The following CLYBL variants were observed in gnomAD, a reference collection of about 807,000 sequenced individuals.
CLYBL encodes citramalyl-CoA lyase.
Under a neutral mutation model 38.9 loss-of-function variants are expected in CLYBL, and 31 were observed. That is an observed-to-expected ratio of 0.80 (90% CI 0.60 to 1.08). The LOEUF is 1.08. CLYBL is among the 50% of genes least tolerant of loss of function. CLYBL has a pLI of 0.00. For missense variants in CLYBL, 434 were observed against 411.6 expected (o/e 1.05, Z -0.47); for synonymous variants, 171 against 158.6 (o/e 1.08, Z -0.59).
chr13:99,822,354 G>T (rs1019442304), intron 2 of CLYBL, among the ~76,000 whole-genome samples: 1 of 152,226 alleles, frequency 6.6e-6, no homozygotes, highest in Non-Finnish European at 1.5e-5. Flanking sequence ...TGGCTGGGAG[G>T]CTTAAAACTG....
intron 2 of CLYBL, among the ~76,000 whole-genome samples, chr13:99,836,108 G>T (rs182260441): frequency 4.1e-4 from 63 of 152,312 alleles, no homozygotes; most frequent in African/African-American, 1.5e-3. Context: ...TGGGGAACAT[G>T]CAGTCATGAG....
rs529585464 is a variant in CLYBL at position 99,909,387 on chromosome 13, A to T, written c.*1493A>T. On this transcript the variant is annotated 3_prime_UTR_variant and NMD_transcript_variant, in exon 10 of 10. Coordinates refer to the CLYBL transcript ENST00000689673. ...TGTAAAACAGGATAGTGCCCAGCAC[A>T]TACTAGTAACAAATGTAAAATACAT... Among the ~76,000 whole-genome samples, 25 of 152,376 alleles carry T rather than the reference A, an allele frequency of 1.6e-4. No individual in the cohort carries two copies. In the South Asian group the frequency reaches 5.0e-3, roughly 30 times the overall value.
At chr13:99,868,673 C>T (rs897303464) in intron 6 of CLYBL, among the ~76,000 whole-genome samples, 1 of 152,008 alleles carries the variant, frequency 6.6e-6, no homozygotes, top group Non-Finnish European at 1.5e-5. Flanking sequence ...CAGTCCATGT[C>T]GATTGATTTT....
At chr13:99,623,027 G>A (rs77186458) in intron 1 of CLYBL, among the ~76,000 whole-genome samples, 2,047 of 152,234 alleles carry the variant, frequency 0.013, 48 homozygotes, top group African/African-American at 0.046. Context: ...TCAGTTGATG[G>A]ACATTTGGGC....
At chr13:99,808,312 C>T (rs1366118059) in intron 2 of CLYBL, among the ~76,000 whole-genome samples, 2 of 152,130 alleles carry the variant, frequency 1.3e-5, no homozygotes, top group East Asian at 3.9e-4. Context: ...TCTCAAACTC[C>T]TGGGCTCAGG....
At chr13:99,875,310 T>C (rs1171377864) in intron 7 of CLYBL, among the ~76,000 whole-genome samples, 2 of 152,184 alleles carry the variant, frequency 1.3e-5, no homozygotes, top group African/African-American at 2.4e-5. Flanking sequence ...TGCTGGAATA[T>C]AAACTGGAAA....
At chr13:99,839,703 A>G (rs988619512) in intron 2 of CLYBL, among the ~76,000 whole-genome samples, 1 of 152,052 alleles carries the variant, frequency 6.6e-6, no homozygotes, top group Non-Finnish European at 1.5e-5. Flanking sequence ...TTGTGGGTAC[A>G]TAGTAGGTAT....
At chr13:99,776,879 G>C (rs572188109) in intron 2 of CLYBL, among the ~76,000 whole-genome samples, 1 of 147,590 alleles carries the variant, frequency 6.8e-6, no homozygotes, top group South Asian at 2.2e-4. Flanking sequence ...GTTCATGCAC[G>C]TTTTTTTTTT....
At position 99,769,802 on chromosome 13, in the gene CLYBL, A is replaced by G. The variant is rs555982776; in HGVS notation, c.63-3022A>G. 3.9e-5 allele frequency among the ~76,000 whole-genome samples: 6 copies of G among 152,292 alleles called. No homozygotes were observed. In the East Asian group the frequency reaches 1.2e-3, roughly 29 times the overall value. On this transcript the variant is annotated intron_variant, in intron 1 of 8. Transcript: ENST00000339105. ...CAGACTCAAGTTTTAGAATTCCTTA[A>G]GGTAAGGTCGGCTACAAGAAGGAAT... is the stretch of plus-strand genomic sequence containing the variant.
chr13:99,835,495 T>C (rs539763966), intron 2 of CLYBL, among the ~76,000 whole-genome samples: 1 of 152,318 alleles, frequency 6.6e-6, no homozygotes, highest in South Asian at 2.1e-4. Flanking sequence ...AAATGTTGCC[T>C]ACACCACTTC....
chr13:99,841,405 T>A (rs922363395), intron 2 of CLYBL, among the ~76,000 whole-genome samples: 48 of 152,242 alleles, frequency 3.2e-4, no homozygotes, highest in South Asian at 1.2e-3. Context: ...TTTTTTTTTT[T>A]ATTTATTTAT....
At chr13:99,660,168 T>G (rs1224549442) in intron 1 of CLYBL, among the ~76,000 whole-genome samples, 1 of 152,186 alleles carries the variant, frequency 6.6e-6, no homozygotes, top group African/African-American at 2.4e-5. Flanking sequence ...AAAAAGGACA[T>G]CTGAGAACAA....
intron 1 of CLYBL, among the ~76,000 whole-genome samples, chr13:99,707,089 G>C (rs1021798459): frequency 1.3e-5 from 2 of 152,066 alleles, no homozygotes; most frequent in Non-Finnish European, 2.9e-5. Flanking sequence ...ACAGAACCTT[G>C]ACTATCTGGA....
intron 1 of CLYBL, among the ~76,000 whole-genome samples, chr13:99,671,994 G>C (rs1434364632): frequency 6.6e-6 from 1 of 152,070 alleles, no homozygotes; most frequent in African/African-American, 2.4e-5. Context: ...TGTCACCTCT[G>C]AGGCAGGCAC....
downstream of CLYBL, among the ~76,000 whole-genome samples, chr13:99,901,487 C>T (rs118188162): frequency 0.03 from 4,510 of 152,058 alleles, 99 homozygotes; most frequent in South Asian, 0.054. Context: ...GTCCATTTTA[C>T]CAGAGAGACC....
intron 1 of CLYBL, among the ~76,000 whole-genome samples, chr13:99,700,694 T>C (rs1269379794): frequency 6.6e-6 from 1 of 152,166 alleles, no homozygotes; most frequent in Non-Finnish European, 1.5e-5. Context: ...TCTTGGCTGT[T>C]TGCGTTTTGT....
chr13:99,846,846 G>A (rs564679323), intron 2 of CLYBL, among the ~76,000 whole-genome samples: 3 of 152,326 alleles, frequency 2.0e-5, no homozygotes, highest in Non-Finnish European at 4.4e-5. Context: ...GTCTCCTACA[G>A]CAACGTGGGC....
chr13:99,628,537 A>G (rs1336148654), intron 1 of CLYBL, among the ~76,000 whole-genome samples: 2 of 152,200 alleles, frequency 1.3e-5, no homozygotes, highest in East Asian at 1.9e-4. Flanking sequence ...CAGGGTGGTA[A>G]TAAAATTGTA....
chr13:99,756,986 C>T (rs1430189257), intron 1 of CLYBL, among the ~76,000 whole-genome samples: 2 of 152,170 alleles, frequency 1.3e-5, no homozygotes, highest in East Asian at 3.9e-4. Flanking sequence ...CAGCCTTGAC[C>T]CCCAGGCTCA....
Sources: gnomAD v4.1 joint callset for allele counts (sites outside exome capture counted in the v4.1 genomes callset) on GRCh38, gnomAD v4.1.1 for gene constraint, MANE v1.5 for transcripts, NCBI Gene and HGNC (gene_info 2026-07-23, HGNC 2026-07-21) for gene names.